Variants in RAB3GAP1 observed in about 807,000 individuals in gnomAD.
RAB3GAP1 encodes the protein RAB3 GTPase activating protein catalytic subunit 1, also known as rab3 GTPase-activating protein catalytic subunit.
Under a neutral mutation model 130.7 loss-of-function variants are expected in RAB3GAP1, and 86 were observed. The observed-to-expected ratio is 0.66, with a 90% confidence interval of 0.55 to 0.79. RAB3GAP1 has a LOEUF of 0.79. RAB3GAP1 is among the 30% of genes least tolerant of loss of function. The pLI, the probability that RAB3GAP1 is intolerant of heterozygous loss-of-function variation, is 0.00. For missense variants in RAB3GAP1, 1,029 were observed against 1,169.4 expected, an observed-to-expected ratio of 0.88 and a Z score of 1.75; for synonymous variants, 367 against 401.7, an observed-to-expected ratio of 0.91 and a Z score of 1.03.
chr2:135,081,878 C>T (rs1463637474), intron 3 of RAB3GAP1, among the ~76,000 whole-genome samples: 1 of 152,092 alleles, frequency 6.6e-6, no homozygotes, highest in African/African-American at 2.4e-5. Flanking sequence ...CAGTGGCTCA[C>T]ATCTGTAACC....
intron 3 of RAB3GAP1, among the ~76,000 whole-genome samples, chr2:135,068,455 TAA>T (rs1378160637): frequency 7.0e-6 from 1 of 143,662 alleles, no homozygotes; most frequent in African/African-American, 2.5e-5. Context: ...AAATTTTTCT[TAA>T]AAAAAAAAAA....
downstream of RAB3GAP1, among the ~76,000 whole-genome samples, chr2:135,174,249 C>T (rs1485455493): frequency 2.0e-5 from 3 of 147,042 alleles, no homozygotes; most frequent in Non-Finnish European, 4.5e-5. Context: ...CTTGGGACCC[C>T]ATCCGGAGAG....
At position 135,113,221 on chromosome 2, in the gene RAB3GAP1, T is replaced by G; in HGVS notation, c.433T>G (p.Cys145Gly). 1 of 1,614,210 alleles carries G rather than the reference T, an allele frequency of 6.2e-7. No individual in the cohort carries two copies. Among genetic ancestry groups the G allele is most frequent in the Non-Finnish European group, 8.5e-7 (1 of 1,180,022 alleles). The change falls in exon 6 of 24, where the codon TGC (cysteine) becomes GGC (glycine). Residue 145 changes from cysteine (C) to glycine (G), a missense_variant. Around this residue, in one of 3 missense-constraint regions of RAB3GAP1, gnomAD observed 510 missense variants for 532.1 expected, o/e 0.96. Coordinates refer to ENST00000264158, the MANE Select transcript of RAB3GAP1 (RefSeq NM_012233.3). ...TGACGCTGTTCTCAGCGAATCTAAG[T>G]GCAACCTTCTTCTGAGTTCTGTTTC... ...HSDAVLSESKCNLLLSSVSIA... is the reference protein window; with the variant it reads ...HSDAVLSESKGNLLLSSVSIA...
chr2:135,112,958 A>T (rs1690857145), intron 5 of RAB3GAP1, among the ~76,000 whole-genome samples, 193 bp from the exon 6 acceptor site: 1 of 152,138 alleles, frequency 6.6e-6, no homozygotes, highest in Admixed American at 6.6e-5. Flanking sequence ...AATAGAGGGG[A>T]ACTAGTAGGT....
At chr2:135,126,764 A>G (rs1558789065) in intron 11 of RAB3GAP1, 108 bp downstream of exon 11, 1 of 952,852 alleles carries the variant, frequency 1.0e-6, no homozygotes, top group Non-Finnish European at 1.7e-6. Flanking sequence ...AGTTAACACC[A>G]TGTAGGAAAA....
Position 135,150,447 on chromosome 2 carries a change from G to T in RAB3GAP1, c.2002G>T (p.Ala668Ser). 1 of 1,614,190 alleles carries T rather than the reference G, an allele frequency of 6.2e-7. No individual in the cohort carries two copies. The highest frequency in any genetic ancestry group is 2.2e-5 in the East Asian group (1 of 44,890). The stretch of plus-strand genomic sequence containing the variant: ...TAAATTAGGTACATCGGCAGAGGGG[G>T]CTCACCTTCGAGCACGCATGCAGAG... ...LAKLGTSAEG[A>S]HLRARMQSAC... Residue 668 changes from alanine (A) to serine (S), a missense_variant, in exon 18 of 24, where the codon GCT becomes TCT. By Grantham distance (99) the Ala-to-Ser change is moderately conservative (BLOSUM62 1). Around this residue, in one of 3 missense-constraint regions of RAB3GAP1, gnomAD observed 373 missense variants for 493.6 expected, o/e 0.76. Coordinates refer to ENST00000264158, the MANE Select transcript of RAB3GAP1 (RefSeq NM_012233.3).
At chr2:135,077,342 C>T (rs372535136) in intron 3 of RAB3GAP1, among the ~76,000 whole-genome samples, 7 of 151,900 alleles carry the variant, frequency 4.6e-5, no homozygotes, top group Non-Finnish European at 8.8e-5. Context: ...TAGACTATTG[C>T]GAATAATGCT....
At chr2:135,074,581 C>G (rs1295540781) in intron 3 of RAB3GAP1, among the ~76,000 whole-genome samples, 4 of 152,178 alleles carry the variant, frequency 2.6e-5, no homozygotes. Flanking sequence ...CACTGTCCAC[C>G]AAGAGGTTGG....
At chr2:135,105,465 C>T (rs541096700) in intron 5 of RAB3GAP1, among the ~76,000 whole-genome samples, 6 of 152,160 alleles carry the variant, frequency 3.9e-5, no homozygotes, top group South Asian at 2.1e-4. Flanking sequence ...AGCTCCTAAC[C>T]GCGAGTGATC....
chr2:135,163,252 G>A (rs1692522549), intron 22 of RAB3GAP1, 151 bp downstream of exon 22: 5 of 704,084 alleles, frequency 7.1e-6, no homozygotes, highest in South Asian at 6.2e-5. Flanking sequence ...AATTATCATA[G>A]CATTTGACCT....
chr2:135,118,278 T>TA (rs370610271), intron 7 of RAB3GAP1, among the ~76,000 whole-genome samples: 221 of 149,588 alleles, frequency 1.5e-3, no homozygotes, highest in Middle Eastern at 6.8e-3. Context: ...TAGCAGTAGT[T>TA]AAAAAAAAAA....
At chr2:135,133,430 A>G (rs1432599961) in intron 14 of RAB3GAP1, among the ~76,000 whole-genome samples, 1 of 152,136 alleles carries the variant, frequency 6.6e-6, no homozygotes, top group Non-Finnish European at 1.5e-5. Flanking sequence ...ATATATATCA[A>G]CCTTTACAGT....
intron 8 of RAB3GAP1, among the ~76,000 whole-genome samples, 198 bp downstream of exon 8, chr2:135,121,116 A>G (rs1691186273): frequency 6.6e-6 from 1 of 152,158 alleles, no homozygotes; most frequent in South Asian, 2.1e-4. Context: ...TTCTAGAGAT[A>G]GTATTACTCT....
rs376647431 is a variant in RAB3GAP1 at position 135,168,617 on chromosome 2, G to T, written c.2782G>T (p.Val928Leu). The T allele has an allele frequency of 3.7e-6, 6 of 1,614,056 alleles. No individual in the cohort carries two copies. The South Asian group carries it at 5.5e-5, about 15-fold the overall frequency. The change falls in exon 24 of 24, where the codon GTG becomes TTG. Residue 928 changes from valine (V) to leucine (L), a missense_variant. This residue lies in a region of RAB3GAP1 where 146 missense variants were observed against 143.7 expected (regional missense o/e 1.02). Transcript: ENST00000264158. ...GSPEERRQNS[V>L]SDFPPPAGRE... ...CCCAGAGGAAAGAAGGCAGAACTCC[G>T]TGTCAGACTTCCCACCCCCTGCTGG... is the stretch of plus-strand genomic sequence containing the variant.
chr2:135,153,679 T>G lies in RAB3GAP1; in HGVS notation c.2092T>G (p.Phe698Val). ...TAATCCAGGTTGCTCCCTGGAAGAT[T>G]TTGTGAGGTGGTATTCACCCCGGGA... Reference protein sequence around the residue: ...AANPGCSLEDFVRWYSPRDYI... With the variant: ...AANPGCSLEDVVRWYSPRDYI... Residue 698 changes from phenylalanine (F) to valine (V), a missense_variant, in exon 19 of 24, where the codon TTT becomes GTT. Physicochemically the swap from Phe to Val is conservative, Grantham distance 50 (BLOSUM62 -1). Transcript: ENST00000264158. The G allele has an allele frequency of 6.2e-7, 1 of 1,613,990 alleles. No homozygotes were observed. Among genetic ancestry groups the G allele is most frequent in the Non-Finnish European group, 8.5e-7 (1 of 1,179,906 alleles).
At chr2:135,107,741 A>C (rs1690669954) in intron 5 of RAB3GAP1, among the ~76,000 whole-genome samples, 1 of 152,120 alleles carries the variant, frequency 6.6e-6, no homozygotes, top group Non-Finnish European at 1.5e-5. Context: ...TAATCCCAGC[A>C]CTTTGGGTGG....
At chr2:135,098,744 T>C (rs1036470230) in intron 5 of RAB3GAP1, among the ~76,000 whole-genome samples, 15 of 152,348 alleles carry the variant, frequency 9.8e-5, no homozygotes, top group African/African-American at 3.6e-4. Context: ...AAAGATCCTG[T>C]AAATGTTATA....
chr2:135,125,393 A>G lies in RAB3GAP1; in HGVS notation c.831-788A>G, dbSNP rs12998644. 2.8e-3 allele frequency among the ~76,000 whole-genome samples: 419 copies of G among 152,330 alleles called. 3 individuals carry two copies. The highest frequency in any genetic ancestry group is 5.2e-3 in the Non-Finnish European group (356 of 68,038). ...CACACACTAAATATTTTTCCTGTGC[A>G]TACAGATAAGTAGTAAAATTTAATT... is the stretch of plus-strand genomic sequence containing the variant. On this transcript the variant is annotated intron_variant, in intron 9 of 23. Coordinates refer to ENST00000264158, the MANE Select transcript of RAB3GAP1 (RefSeq NM_012233.3).
At chr2:135,135,463 TC>T in intron 16 of RAB3GAP1, 100 bp from the exon 17 acceptor site, 3 of 1,458,552 alleles carry the variant, frequency 2.1e-6, no homozygotes, top group Non-Finnish European at 2.8e-6. Context: ...ATTCACAAGG[TC>T]CTGAGAAGTG....
Sources: gnomAD v4.1 joint callset for allele counts (sites outside exome capture counted in the v4.1 genomes callset) on GRCh38, gnomAD v4.1.1 for gene constraint, gnomAD v4.1.1 regional missense constraint, MANE v1.5 for transcripts, NCBI Gene and HGNC (gene_info 2026-07-23, HGNC 2026-07-21) for gene names.